The following CDH13 variants were observed in gnomAD, a reference collection of about 807,000 sequenced individuals.
The protein encoded by CDH13 is cadherin 13.
In CDH13, 24 loss-of-function variants were observed where a neutral mutation model predicts 63.8. That is an observed-to-expected ratio of 0.38 (90% confidence interval 0.27 to 0.53). The LOEUF is 0.53. CDH13 is among the 20% of genes least tolerant of loss of function. CDH13 has a pLI of 0.85. For missense variants in CDH13, 1,049 were observed against 903.1 expected, an observed-to-expected ratio of 1.16 and a Z score of -2.07; for synonymous variants, 503 against 355.3, an observed-to-expected ratio of 1.42 and a Z score of -4.67.
At chr16:83,725,708 A>T (rs371841000) in intron 10 of CDH13, 1 of 152,234 alleles carries the variant, frequency 6.6e-6, no homozygotes, top group Non-Finnish European at 1.5e-5. Flanking sequence ...ACTAATTTCT[A>T]ATGAGAGTTT....
chr16:83,061,588 G>A (rs890624227), intron 3 of CDH13, among the ~76,000 whole-genome samples: 2 of 152,172 alleles, frequency 1.3e-5, no homozygotes, highest in African/African-American at 4.8e-5. Flanking sequence ...CAGCAGCAGA[G>A]GATTCAGGGC....
intron 10 of CDH13, among the ~76,000 whole-genome samples, chr16:83,737,155 C>G (rs1203394418): frequency 6.6e-6 from 1 of 152,186 alleles, no homozygotes; most frequent in Non-Finnish European, 1.5e-5. Flanking sequence ...TGTGGCCCCA[C>G]CCCTTTCCTG....
At chr16:83,279,825 A>G (rs932578461) in intron 5 of CDH13, among the ~76,000 whole-genome samples, 10 of 146,432 alleles carry the variant, frequency 6.8e-5, no homozygotes, top group Admixed American at 3.5e-4. Flanking sequence ...GAATATCACA[A>G]TGAAGTGAGT....
chr16:82,949,987 G>C (rs1567686756), intron 2 of CDH13, among the ~76,000 whole-genome samples: 1 of 152,032 alleles, frequency 6.6e-6, no homozygotes, highest in Non-Finnish European at 1.5e-5. Flanking sequence ...ATTCACAATG[G>C]TTAGTATCAA....
chr16:83,115,976 C>T (rs545069273), intron 3 of CDH13, among the ~76,000 whole-genome samples: 120 of 152,324 alleles, frequency 7.9e-4, no homozygotes, highest in African/African-American at 2.8e-3. Context: ...GGTCAAGCTG[C>T]GTCTGGCCTT....
intron 4 of CDH13, among the ~76,000 whole-genome samples, chr16:83,188,470 T>C (rs1597486994): frequency 6.6e-6 from 1 of 152,172 alleles, no homozygotes; most frequent in African/African-American, 2.4e-5. Flanking sequence ...TTGAGTCCTC[T>C]TGGTGGTTTT....
intron 3 of CDH13, among the ~76,000 whole-genome samples, chr16:83,045,330 G>A (rs1447152363): frequency 6.6e-6 from 1 of 152,102 alleles, no homozygotes; most frequent in Non-Finnish European, 1.5e-5. Context: ...GTAAATGTCT[G>A]CCAAGTCTCT....
intron 13 of CDH13, among the ~76,000 whole-genome samples, chr16:83,785,604 G>A (rs924220519): frequency 1.3e-5 from 2 of 152,178 alleles, no homozygotes; most frequent in Non-Finnish European, 2.9e-5. Flanking sequence ...GTGTAGGAAT[G>A]TTCCCTTCGT....
intron 5 of CDH13, among the ~76,000 whole-genome samples, chr16:83,306,936 C>T (rs1402129978): frequency 6.6e-6 from 1 of 152,128 alleles, no homozygotes; most frequent in East Asian, 1.9e-4. Flanking sequence ...GAAAGAAATG[C>T]AGACAGGAAA....
intron 1 of CDH13, among the ~76,000 whole-genome samples, chr16:82,801,046 G>T (rs747610354): frequency 2.0e-5 from 3 of 152,176 alleles, no homozygotes; most frequent in African/African-American, 7.2e-5. Context: ...ATTAGGACCA[G>T]TGTTTACAAA....
intron 2 of CDH13, among the ~76,000 whole-genome samples, chr16:83,007,118 C>G (rs188155697): frequency 6.6e-6 from 1 of 152,024 alleles, no homozygotes; most frequent in African/African-American, 2.4e-5. Context: ...GACGGGGTTT[C>G]TCCATGTTGG....
At chr16:83,080,267 G>C (rs865981760) in intron 3 of CDH13, among the ~76,000 whole-genome samples, 4 of 152,194 alleles carry the variant, frequency 2.6e-5, no homozygotes, top group Admixed American at 6.5e-5. Context: ...ATGACAGCCA[G>C]CTGTTTGGTC....
chr16:82,922,763 A>T (rs992009104), intron 2 of CDH13, among the ~76,000 whole-genome samples: 29 of 152,294 alleles, frequency 1.9e-4, no homozygotes, highest in African/African-American at 6.7e-4. Flanking sequence ...CCGAGAGGAA[A>T]ATAAAATCTC....
At chr16:83,567,682 G>C (rs1360969109) in intron 7 of CDH13, among the ~76,000 whole-genome samples, 1 of 152,128 alleles carries the variant, frequency 6.6e-6, no homozygotes, top group African/African-American at 2.4e-5. Flanking sequence ...TGCAAGCTCT[G>C]CCTCCTGGGT....
intron 6 of CDH13, among the ~76,000 whole-genome samples, chr16:83,447,069 AAAAAAC>A (rs2072716714): frequency 1.5e-5 from 2 of 133,832 alleles, no homozygotes; most frequent in African/African-American, 5.9e-5. Context: ...AAAAAAAAAA[AAAAAAC>A]AAAAAACACC....
At chr16:82,871,270 G>C (rs564430423) in intron 2 of CDH13, among the ~76,000 whole-genome samples, 1 of 152,260 alleles carries the variant, frequency 6.6e-6, no homozygotes, top group East Asian at 1.9e-4. Flanking sequence ...GGTCAGACAG[G>C]GTGGCTGGCT....
intron 6 of CDH13, among the ~76,000 whole-genome samples, chr16:83,453,696 G>A (rs968484186): frequency 6.6e-6 from 1 of 152,074 alleles, no homozygotes; most frequent in African/African-American, 2.4e-5. Context: ...CTGTATGTGG[G>A]CAATGTTCTC....
chr16:82,785,742 G>A (rs12927102), intron 1 of CDH13, among the ~76,000 whole-genome samples: 18,092 of 152,264 alleles, frequency 0.12, 1,265 homozygotes, highest in Non-Finnish European at 0.16. Context: ...CTGCATGGAA[G>A]GGGCTGGAGG....
At chr16:83,781,341 CAT>C (rs1242736365) in intron 12 of CDH13, among the ~76,000 whole-genome samples, 3 of 152,214 alleles carry the variant, frequency 2.0e-5, no homozygotes, top group African/African-American at 7.2e-5. Context: ...AAAAGAAAGA[CAT>C]TAGACACTAT....
Sources: gnomAD v4.1 joint callset for allele counts (sites outside exome capture counted in the v4.1 genomes callset) on GRCh38, gnomAD v4.1.1 for gene constraint, MANE v1.5 for transcripts, NCBI Gene and HGNC (gene_info 2026-07-23, HGNC 2026-07-21) for gene names.